The following RUBCN variants were observed in gnomAD, a reference collection of about 807,000 sequenced individuals.
RUBCN encodes run domain Beclin-1-interacting and cysteine-rich domain-containing protein.
Under a neutral mutation model 113.2 loss-of-function variants are expected in RUBCN, and 74 were observed. The ratio of observed to expected loss-of-function variants is 0.65; its 90% CI spans 0.54 to 0.79. The LOEUF is 0.79. Among genes scored for constraint, RUBCN ranks in the 30% least tolerant of loss-of-function variants. The pLI is 0.00. For synonymous variants in RUBCN, 480 were observed against 490.0 expected, an observed-to-expected ratio of 0.98 and a Z score of 0.27; for missense variants, 1,109 against 1,251.7, an observed-to-expected ratio of 0.89 and a Z score of 1.72.
Position 197,736,821 on chromosome 3 carries a change from C to T in RUBCN, c.-102G>A. On this transcript the variant is annotated 5_prime_UTR_variant, in exon 1 of 20. Coordinates refer to ENST00000296343, the MANE Select transcript of RUBCN (RefSeq NM_014687.4). ...TGGGGCCGGAGGAGGCACCTGCGGC[C>T]GGTGGGCTCCGGGTGATGCGCTACA... 7.0e-7 allele frequency: 1 copy of T among 1,431,942 alleles called. No individual in the cohort carries two copies. The highest frequency in any genetic ancestry group is 9.1e-7 in the Non-Finnish European group (1 of 1,101,838). The allele number at this position is 1,431,942 out of a possible 1,614,324, so 88.7% of individuals were successfully genotyped here.
chr3:197,679,200 G>A (rs1297328672), intron 16 of RUBCN, among the ~76,000 whole-genome samples: 1 of 149,030 alleles, frequency 6.7e-6, no homozygotes, highest in Non-Finnish European at 1.5e-5. Context: ...TCTGACAACT[G>A]GCTTCAGACT....
chr3:197,713,546 G>A (rs534621874), intron 2 of RUBCN, among the ~76,000 whole-genome samples: 25 of 152,266 alleles, frequency 1.6e-4, no homozygotes, highest in Non-Finnish European at 3.1e-4. Flanking sequence ...AATCTCATGA[G>A]AGAACATAAG....
At chr3:197,742,085 C>T (rs912134212) in intron 1 of RUBCN, among the ~76,000 whole-genome samples, 9 of 151,724 alleles carry the variant, frequency 5.9e-5, no homozygotes, top group Admixed American at 3.3e-4. Context: ...TTAGTAGAGA[C>T]GGGGTTTCAC....
At chr3:197,727,775 T>C (rs1332971077) in intron 1 of RUBCN, among the ~76,000 whole-genome samples, 1 of 152,200 alleles carries the variant, frequency 6.6e-6, no homozygotes, top group East Asian at 1.9e-4. Flanking sequence ...TGCGGCACAA[T>C]AAGGCTGATT....
At chr3:197,715,827 G>A (rs1725457502) in intron 2 of RUBCN, among the ~76,000 whole-genome samples, 1 of 151,808 alleles carries the variant, frequency 6.6e-6, no homozygotes, top group Admixed American at 6.6e-5. Context: ...GATACTTTGA[G>A]GATAAAGTCT....
intron 5 of RUBCN, among the ~76,000 whole-genome samples, 165 bp from the exon 6 acceptor site, chr3:197,702,029 T>C (rs1723736712): frequency 6.6e-6 from 1 of 152,232 alleles, no homozygotes; most frequent in Non-Finnish European, 1.5e-5. Flanking sequence ...TACTACAGTA[T>C]GTAATTTACA....
At chr3:197,679,492 G>C in intron 16 of RUBCN, among the ~76,000 whole-genome samples, 1 of 145,382 alleles carries the variant, frequency 6.9e-6, no homozygotes, top group South Asian at 2.2e-4. Flanking sequence ...TCTGACAACT[G>C]GCTCCAGACT....
chr3:197,717,431 G>A (rs1336895053), intron 2 of RUBCN, among the ~76,000 whole-genome samples: 2 of 149,348 alleles, frequency 1.3e-5, no homozygotes, highest in African/African-American at 5.0e-5. Flanking sequence ...GTGACAGAGC[G>A]AGACTCCGTC....
chr3:197,689,711 T>C (rs573737856), intron 11 of RUBCN, among the ~76,000 whole-genome samples: 2 of 152,230 alleles, frequency 1.3e-5, no homozygotes, highest in African/African-American at 4.8e-5. Context: ...TTTGTACATA[T>C]TGACAGGGCA....
At chr3:197,704,410 G>C (rs1310195643) in intron 4 of RUBCN, 132 bp downstream of exon 4, 11 of 865,748 alleles carry the variant, frequency 1.3e-5, no homozygotes, top group Non-Finnish European at 2.2e-5. Flanking sequence ...CTCCAGCCTG[G>C]GTGACAAGAG....
chr3:197,677,384 A>C (rs1005988558), intron 17 of RUBCN, 96 bp downstream of exon 17: 21 of 1,041,448 alleles, frequency 2.0e-5, no homozygotes, highest in African/African-American at 1.4e-4. Context: ...AAATCTCTCT[A>C]CTCTCCTTCG....
intron 4 of RUBCN, 101 bp from the exon 5 acceptor site, chr3:197,703,755 G>T: frequency 1.3e-6 from 1 of 754,320 alleles, no homozygotes; most frequent in South Asian, 1.5e-5. Flanking sequence ...ATGAGGAGGA[G>T]GGTGAAGGCA....
Position 197,736,813 on chromosome 3 carries a change from C to A in RUBCN, c.-94G>T. The A allele has an allele frequency of 6.9e-7, 1 of 1,442,960 alleles. No individual in the cohort carries two copies. Among genetic ancestry groups the A allele is most frequent in the African/African-American group, 1.5e-5 (1 of 66,822 alleles). 89.4% of individuals were successfully genotyped at this position (1,442,960 alleles called of 1,614,324 possible). A position where few individuals can be genotyped will look rare whatever the true frequency, so the allele number is the denominator to read the frequency against. On this transcript the variant is annotated 5_prime_UTR_variant, in exon 1 of 20. Transcript: ENST00000296343. Reference sequence around the variant, plus strand: ...GGGCCCCCTGGGGCCGGAGGAGGCACCTGCGGCCGGTGGGCTCCGGGTGAT... The same window carrying A: ...GGGCCCCCTGGGGCCGGAGGAGGCAACTGCGGCCGGTGGGCTCCGGGTGAT...
intron 11 of RUBCN, among the ~76,000 whole-genome samples, chr3:197,687,493 CTGGCA>C (rs1182080373): frequency 6.6e-6 from 1 of 152,218 alleles, no homozygotes; most frequent in African/African-American, 2.4e-5. Context: ...CCTTTGCCAG[CTGGCA>C]TGATGTGAGG....
intron 11 of RUBCN, among the ~76,000 whole-genome samples, chr3:197,692,273 G>A (rs910564797): frequency 6.6e-6 from 1 of 152,086 alleles, no homozygotes; most frequent in South Asian, 2.1e-4. Context: ...GGAGGGTGGT[G>A]CCCCAGACAC....
chr3:197,716,372 C>T (rs1358521390), intron 2 of RUBCN, among the ~76,000 whole-genome samples: 1 of 152,198 alleles, frequency 6.6e-6, no homozygotes, highest in Non-Finnish European at 1.5e-5. Flanking sequence ...TGATCTGCCC[C>T]ACTTGGTCTA....
intron 1 of RUBCN, among the ~76,000 whole-genome samples, chr3:197,725,792 G>C (rs1580360474): frequency 6.6e-6 from 1 of 152,078 alleles, no homozygotes; most frequent in Non-Finnish European, 1.5e-5. Context: ...TTAACATACG[G>C]ATGAAAAATC....
chr3:197,693,603 T>G, intron 11 of RUBCN, 112 bp downstream of exon 11: 1 of 790,944 alleles, frequency 1.3e-6, no homozygotes, highest in South Asian at 1.4e-5. Context: ...TTACAATAGC[T>G]AACAACAATC....
intron 7 of RUBCN, chr3:197,700,310 C>A: frequency 2.0e-6 from 1 of 509,948 alleles, no homozygotes. Flanking sequence ...TAATACTTTC[C>A]CCAATCCAAG....
Sources: gnomAD v4.1 joint callset for allele counts (sites outside exome capture counted in the v4.1 genomes callset) on GRCh38, gnomAD v4.1.1 for gene constraint, MANE v1.5 for transcripts, NCBI Gene and HGNC (gene_info 2026-07-23, HGNC 2026-07-21) for gene names.